Variants in NAV2 observed in about 807,000 individuals in gnomAD.
The protein encoded by NAV2 is helicase, APC down-regulated 1.
A neutral mutation model predicts 223.2 loss-of-function variants in NAV2; 54 were observed. The observed-to-expected ratio is 0.24, with a 90% CI of 0.19 to 0.30. NAV2 has a LOEUF of 0.30. Ranked by LOEUF, NAV2 falls within the 10% of genes least tolerant of loss-of-function variation. NAV2 has a pLI of 1.00. For synonymous variants in NAV2, 1,279 were observed against 1,239.3 expected, an observed-to-expected ratio of 1.03 and a Z score of -0.67; for missense variants, 2,806 against 3,147.5, an observed-to-expected ratio of 0.89 and a Z score of 2.60.
chr11:19,806,033 C>T (rs745708797), intron 1 of NAV2, among the ~76,000 whole-genome samples: 9 of 152,224 alleles, frequency 5.9e-5, no homozygotes, highest in Non-Finnish European at 1.2e-4. Flanking sequence ...CCTGATAGCT[C>T]AGTCACTTGG....
At chr11:19,396,478 C>T (rs1034506230) in intron 1 of NAV2, among the ~76,000 whole-genome samples, 6 of 152,198 alleles carry the variant, frequency 3.9e-5, no homozygotes, top group Admixed American at 6.5e-5. Flanking sequence ...TTATTTAGAA[C>T]GCCCTATCTG....
chr11:19,858,883 C>T (rs2061529538), intron 3 of NAV2, among the ~76,000 whole-genome samples: 1 of 152,164 alleles, frequency 6.6e-6, no homozygotes, highest in African/African-American at 2.4e-5. Context: ...GGAAATGCCG[C>T]TGGTATGAAA....
intron 1 of NAV2, among the ~76,000 whole-genome samples, chr11:19,596,802 T>G (rs944056446): frequency 1.3e-5 from 2 of 152,230 alleles, no homozygotes; most frequent in African/African-American, 4.8e-5. Flanking sequence ...GAATAACAAC[T>G]GGACTTTATT....
In NAV2 at chr11:20,048,885, C is replaced by CCT; in HGVS notation, c.4065_4066dup (p.Tyr1356SerfsTer13). 6.2e-7 allele frequency: 1 copy of CCT among 1,614,220 alleles called. No individual in the cohort carries two copies. Among genetic ancestry groups the CCT allele is most frequent in the Non-Finnish European group, 8.5e-7 (1 of 1,180,032 alleles). Reference sequence around the variant, plus strand: ...CGTCCTGAGCAGTGGGAGCAGCAGTCCTCTCTACAGCAAGAATGTGGACCT... The same window carrying CCT: ...CGTCCTGAGCAGTGGGAGCAGCAGTCCTCTCTCTACAGCAAGAATGTGGACCT... On this transcript the variant is annotated frameshift_variant, in exon 15 of 38. Coordinates refer to ENST00000349880, the MANE Select transcript of NAV2 (RefSeq NM_145117.5). LOFTEE classifies it high-confidence loss of function.
chr11:19,652,192 A>T (rs975647836), intron 1 of NAV2, among the ~76,000 whole-genome samples: 2 of 152,160 alleles, frequency 1.3e-5, no homozygotes, highest in Admixed American at 6.5e-5. Context: ...CTTCATTCAG[A>T]ATCTACCCAG....
At chr11:19,512,045 C>G (rs1226091824) in intron 1 of NAV2, among the ~76,000 whole-genome samples, 1 of 152,128 alleles carries the variant, frequency 6.6e-6, no homozygotes, top group African/African-American at 2.4e-5. Flanking sequence ...CTTTTGTACC[C>G]CAGCCCAGTC....
intron 3 of NAV2, among the ~76,000 whole-genome samples, chr11:19,859,813 G>A (rs1199173968): frequency 1.4e-5 from 2 of 143,456 alleles, no homozygotes; most frequent in South Asian, 2.2e-4. Flanking sequence ...CTGGCCGGGC[G>A]GGGGGCTGAC....
chr11:19,704,936 G>A (rs1262126785), intron 1 of NAV2, among the ~76,000 whole-genome samples: 1 of 150,852 alleles, frequency 6.6e-6, no homozygotes, highest in Non-Finnish European at 1.5e-5. Context: ...GCGTGAACCC[G>A]GGAGGCGGAG....
At chr11:20,078,518 G>A (rs917233499) in intron 24 of NAV2, among the ~76,000 whole-genome samples, 3 of 152,178 alleles carry the variant, frequency 2.0e-5, no homozygotes, top group African/African-American at 4.8e-5. Context: ...AAGTGCAGTG[G>A]TGCAATCTTG....
At chr11:19,934,540 TG>T (rs1565591930) in intron 7 of NAV2, among the ~76,000 whole-genome samples, 1 of 151,858 alleles carries the variant, frequency 6.6e-6, no homozygotes, top group African/African-American at 2.4e-5. Context: ...CATAGGAAAG[TG>T]GGGACCCCAG....
chr11:19,371,614 G>T (rs767175919), intron 1 of NAV2, among the ~76,000 whole-genome samples: 4 of 152,124 alleles, frequency 2.6e-5, no homozygotes, highest in Non-Finnish European at 5.9e-5. Context: ...TGGCTAGGGA[G>T]CTTAAGAATA....
At chr11:19,378,398 T>C (rs1281934575) in intron 1 of NAV2, among the ~76,000 whole-genome samples, 1 of 152,190 alleles carries the variant, frequency 6.6e-6, no homozygotes, top group African/African-American at 2.4e-5. Context: ...GTGGGGCCTA[T>C]GGTGCATCCT....
chr11:19,748,409 G>T (rs1440641475), intron 1 of NAV2, among the ~76,000 whole-genome samples: 1 of 152,188 alleles, frequency 6.6e-6, no homozygotes, highest in African/African-American at 2.4e-5. Context: ...ATGTAGCCAG[G>T]CCACTGGAAG....
chr11:19,519,148 A>G (rs1241732947), intron 1 of NAV2, among the ~76,000 whole-genome samples: 2 of 151,944 alleles, frequency 1.3e-5, no homozygotes, highest in African/African-American at 4.9e-5. Flanking sequence ...AACAACAATA[A>G]TAATAATAAC....
intron 1 of NAV2, among the ~76,000 whole-genome samples, chr11:19,482,659 A>G (rs1454590518): frequency 3.9e-5 from 6 of 152,200 alleles, no homozygotes; most frequent in Non-Finnish European, 5.9e-5. Context: ...TCATAGGCTG[A>G]GCAAGGTCCA....
At chr11:19,563,695 A>C (rs1211463556) in intron 1 of NAV2, among the ~76,000 whole-genome samples, 1 of 152,162 alleles carries the variant, frequency 6.6e-6, no homozygotes, top group East Asian at 1.9e-4. Context: ...CATGCCCCCA[A>C]AAGTTGGAGA....
At chr11:19,803,197 G>T (rs1400534535) in intron 1 of NAV2, among the ~76,000 whole-genome samples, 1 of 152,148 alleles carries the variant, frequency 6.6e-6, no homozygotes, top group African/African-American at 2.4e-5. Context: ...AGGTGGGCAG[G>T]TTGTGCTGGT....
At chr11:19,806,012 T>A (rs1041739220) in intron 1 of NAV2, among the ~76,000 whole-genome samples, 4 of 152,214 alleles carry the variant, frequency 2.6e-5, no homozygotes, top group African/African-American at 9.7e-5. Flanking sequence ...TTTTATTTAT[T>A]TATTTTGTCC....
At chr11:19,763,768 CGTT>C (rs973514907) in intron 1 of NAV2, among the ~76,000 whole-genome samples, 7 of 148,732 alleles carry the variant, frequency 4.7e-5, no homozygotes, top group Admixed American at 2.0e-4. Flanking sequence ...AAAAGATTAG[CGTT>C]GTTGTTTTTT....
Sources: gnomAD v4.1 joint callset for allele counts (sites outside exome capture counted in the v4.1 genomes callset) on GRCh38, gnomAD v4.1.1 for gene constraint, MANE v1.5 for transcripts, NCBI Gene and HGNC (gene_info 2026-07-23, HGNC 2026-07-21) for gene names.